Variants in NAALADL2 observed in about 807,000 individuals in gnomAD.
The protein encoded by NAALADL2 is inactive N-acetylated-alpha-linked acidic dipeptidase-like protein 2.
A neutral mutation model predicts 87.2 loss-of-function variants in NAALADL2; 76 were observed. That is an observed-to-expected ratio of 0.87 (90% CI 0.72 to 1.05). The LOEUF (loss-of-function observed/expected upper bound fraction) is 1.05. NAALADL2 is among the 50% of genes least tolerant of loss of function. The pLI is 0.00. For synonymous variants in NAALADL2, 354 were observed against 331.0 expected, an observed-to-expected ratio of 1.07 and a Z score of -0.75; for missense variants, 1,089 against 945.8, an observed-to-expected ratio of 1.15 and a Z score of -1.99.
At chr3:174,487,407 T>C (rs1218370844) in intron 1 of NAALADL2, among the ~76,000 whole-genome samples, 1 of 152,076 alleles carries the variant, frequency 6.6e-6, no homozygotes, top group Non-Finnish European at 1.5e-5. Context: ...TTCATGGAAT[T>C]CAGAGAAAAG....
intron 3 of NAALADL2, among the ~76,000 whole-genome samples, chr3:174,829,874 G>A (rs1333351662): frequency 2.2e-5 from 3 of 135,280 alleles, no homozygotes; most frequent in African/African-American, 8.5e-5. Context: ...CAGTGATGGT[G>A]AGCATTTTTT....
chr3:175,057,562 C>G (rs911251564), intron 1 of NAALADL2, among the ~76,000 whole-genome samples: 7 of 152,204 alleles, frequency 4.6e-5, no homozygotes, highest in Non-Finnish European at 1.0e-4. Flanking sequence ...ATCTGGGGAA[C>G]AGACTGTTGG....
intron 1 of NAALADL2, among the ~76,000 whole-genome samples, chr3:174,862,630 T>G (rs1388097472): frequency 6.6e-6 from 1 of 152,134 alleles, no homozygotes; most frequent in Non-Finnish European, 1.5e-5. Context: ...TCATCTTTAG[T>G]CGAAATATAT....
chr3:174,608,547 A>G (rs1213326659), intron 2 of NAALADL2, among the ~76,000 whole-genome samples: 2 of 151,934 alleles, frequency 1.3e-5, no homozygotes, highest in Non-Finnish European at 2.9e-5. Flanking sequence ...CTACGCAAAT[A>G]AACTAGAAAA....
chr3:175,338,082 A>G (rs1762178743), intron 5 of NAALADL2, among the ~76,000 whole-genome samples: 1 of 152,160 alleles, frequency 6.6e-6, no homozygotes, highest in South Asian at 2.1e-4. Flanking sequence ...ACACCAAGCT[A>G]TGTCAGGAGT....
intron 4 of NAALADL2, among the ~76,000 whole-genome samples, chr3:175,321,727 C>G (rs1759904814): frequency 7.5e-6 from 1 of 133,320 alleles, no homozygotes; most frequent in South Asian, 2.7e-4. Flanking sequence ...TGAGTGAACT[C>G]CCATTCACAA....
chr3:174,497,124 A>T (rs1718595848), intron 1 of NAALADL2, among the ~76,000 whole-genome samples: 1 of 152,174 alleles, frequency 6.6e-6, no homozygotes, highest in Non-Finnish European at 1.5e-5. Context: ...GGAGGCGTAG[A>T]TGATATGCAA....
intron 3 of NAALADL2, among the ~76,000 whole-genome samples, chr3:174,781,157 C>G (rs1454575554): frequency 6.6e-6 from 1 of 152,066 alleles, no homozygotes; most frequent in Non-Finnish European, 1.5e-5. Context: ...CGCTGTTAGT[C>G]TTACGGCTTC....
At chr3:174,930,686 A>G (rs1274698837) in intron 1 of NAALADL2, among the ~76,000 whole-genome samples, 1 of 130,024 alleles carries the variant, frequency 7.7e-6, no homozygotes, top group Admixed American at 9.6e-5. Flanking sequence ...CAGTGGCGCG[A>G]TCTCGGCTCA....
chr3:175,179,911 G>C (rs917739929), intron 2 of NAALADL2, among the ~76,000 whole-genome samples: 4 of 151,852 alleles, frequency 2.6e-5, no homozygotes, highest in African/African-American at 9.7e-5. Flanking sequence ...ACATAGTATC[G>C]GTATGCATAG....
chr3:175,505,254 AC>A (rs1251568147), intron 9 of NAALADL2, among the ~76,000 whole-genome samples: 6 of 141,268 alleles, frequency 4.2e-5, no homozygotes, highest in African/African-American at 1.7e-4. Flanking sequence ...GCAAAGCAAG[AC>A]CCTGTCTCGA....
intron 1 of NAALADL2, among the ~76,000 whole-genome samples, chr3:174,446,254 T>G (rs1715041397): frequency 6.6e-6 from 1 of 152,160 alleles, no homozygotes; most frequent in African/African-American, 2.4e-5. Flanking sequence ...TTTTAGATGG[T>G]CAGTCATGAA....
intron 1 of NAALADL2, among the ~76,000 whole-genome samples, chr3:175,050,273 T>C (rs1291306627): frequency 6.6e-6 from 1 of 152,208 alleles, no homozygotes; most frequent in East Asian, 1.9e-4. Context: ...TTTATTTAAT[T>C]ATTTTTGAGA....
chr3:175,161,185 T>C (rs1297512791), intron 2 of NAALADL2, among the ~76,000 whole-genome samples: 1 of 152,108 alleles, frequency 6.6e-6, no homozygotes, highest in Non-Finnish European at 1.5e-5. Flanking sequence ...TTAGGCATCA[T>C]AGATCTGATG....
chr3:175,171,351 G>A (rs1356903773), intron 2 of NAALADL2, among the ~76,000 whole-genome samples: 2 of 152,030 alleles, frequency 1.3e-5, no homozygotes, highest in Non-Finnish European at 2.9e-5. Flanking sequence ...CCATCCTAAC[G>A]ATGGAGATGG....
chr3:174,799,333 A>G (rs1718524550), intron 3 of NAALADL2, among the ~76,000 whole-genome samples: 1 of 152,106 alleles, frequency 6.6e-6, no homozygotes, highest in South Asian at 2.1e-4. Context: ...CTCTTTTTGA[A>G]TTCCCATGTG....
At chr3:174,660,874 T>C (rs988172797) in intron 2 of NAALADL2, among the ~76,000 whole-genome samples, 3 of 152,152 alleles carry the variant, frequency 2.0e-5, no homozygotes, top group African/African-American at 7.2e-5. Context: ...AATTAGTTTG[T>C]CCTAAAAGAT....
chr3:175,740,778 C>T (rs1480921073), intron 12 of NAALADL2, among the ~76,000 whole-genome samples: 2 of 152,184 alleles, frequency 1.3e-5, no homozygotes, highest in Non-Finnish European at 2.9e-5. Flanking sequence ...GTTCTGCTCT[C>T]TCTATGGAGT....
At chr3:175,082,341 T>C (rs985254939) in intron 1 of NAALADL2, among the ~76,000 whole-genome samples, 1 of 152,230 alleles carries the variant, frequency 6.6e-6, no homozygotes. Flanking sequence ...ATTATAAATA[T>C]GTAGTTTATT....
Sources: allele counts gnomAD v4.1 joint callset (sites outside exome capture counted in the v4.1 genomes callset), GRCh38; gene constraint gnomAD v4.1.1; transcripts MANE v1.5; gene names NCBI Gene and HGNC (gene_info 2026-07-23, HGNC 2026-07-21).